ERC2: variants seen among roughly 807,000 people sequenced by gnomAD.
ERC2 encodes the protein ELKS/RAB6-interacting/CAST family member 2.
A neutral mutation model predicts 114.8 loss-of-function variants in ERC2; 42 were observed. The observed-to-expected ratio is 0.37, with a 90% CI of 0.29 to 0.47. The LOEUF is 0.47. Ranked by LOEUF, ERC2 falls within the 20% of genes least tolerant of loss-of-function variation. ERC2 has a pLI of 0.99. For missense variants in ERC2, 939 were observed against 1,150.7 expected (o/e 0.82, Z 2.66); for synonymous variants, 454 against 425.5 (o/e 1.07, Z -0.82).
intron 2 of ERC2, among the ~76,000 whole-genome samples, chr3:56,371,162 G>A (rs948446857): frequency 6.6e-6 from 1 of 152,162 alleles, no homozygotes; most frequent in Non-Finnish European, 1.5e-5. Context: ...AGGACTGAAA[G>A]ACCAAATAGG....
chr3:55,523,523 T>C (rs569069584), intron 17 of ERC2, among the ~76,000 whole-genome samples: 1 of 152,184 alleles, frequency 6.6e-6, no homozygotes, highest in Admixed American at 6.5e-5. Flanking sequence ...CTGACTTCCC[T>C]TCCTGGTCCA....
At chr3:55,865,811 G>C (rs1575921468) in intron 14 of ERC2, among the ~76,000 whole-genome samples, 1 of 152,188 alleles carries the variant, frequency 6.6e-6, no homozygotes, top group Admixed American at 6.5e-5. Context: ...TCAAGTAATA[G>C]TGCATTGTAT....
At position 56,007,219 on chromosome 3, in the gene ERC2, T is replaced by C; in HGVS notation, c.2023A>G (p.Lys675Glu). ...KSLEIAIEQK[K>E]EECSKLEAQL... ...GCTTCCAATTTGCTACATTCCTCTT[T>C]CTTTTGTTCAATGGCTATTTCTAGA... Residue 675 changes from lysine (K) to glutamate (E), a missense_variant, in exon 10 of 18, where the codon AAA becomes GAA. Around this residue, in one of 5 missense-constraint regions of ERC2, gnomAD observed 328 missense variants for 353.9 expected, o/e 0.93. Transcript: ENST00000288221. 6.3e-7 allele frequency: 1 copy of C among 1,578,460 alleles called. No homozygotes were observed. The highest frequency in any genetic ancestry group is 8.6e-7 in the Non-Finnish European group (1 of 1,160,470).
chr3:55,517,270 G>A (rs1282254692), intron 17 of ERC2, among the ~76,000 whole-genome samples: 4 of 151,642 alleles, frequency 2.6e-5, no homozygotes, highest in East Asian at 1.9e-4. Flanking sequence ...GTGAAACCCC[G>A]TCTCCACTAA....
In ERC2 at chr3:55,691,559, AAAAAAAAAAAAAAAAT is replaced by A. The variant is rs1332336204; in HGVS notation, c.2848-7716_2848-7701del. 7.8e-3 allele frequency among the ~76,000 whole-genome samples: 619 copies of A among 79,198 alleles called. 1 individual carries two copies. The highest frequency in any genetic ancestry group is 0.024 in the South Asian group (49 of 2,058). The allele number at this position is 79,198 out of a possible 152,430, so 52.0% of individuals were successfully genotyped here. On this transcript the variant is annotated intron_variant, in intron 16 of 17. Coordinates refer to ENST00000288221, the MANE Select transcript of ERC2 (RefSeq NM_015576.3). Reference sequence around the variant, plus strand: ...ATTTGCAATGCAAAAAAAAAAAAAAAAAAAAAAAAAAAAAATATATATATATATATATATATATATA... The same window carrying A: ...ATTTGCAATGCAAAAAAAAAAAAAAAATATATATATATATATATATATATA...
intron 2 of ERC2, among the ~76,000 whole-genome samples, chr3:56,346,166 G>A (rs1480485634): frequency 6.6e-6 from 1 of 152,060 alleles, no homozygotes; most frequent in African/African-American, 2.4e-5. Flanking sequence ...GTAACACTTT[G>A]AATAAAAAGG....
At chr3:56,460,259 G>C (rs569272075) in intron 1 of ERC2, among the ~76,000 whole-genome samples, 9 of 152,318 alleles carry the variant, frequency 5.9e-5, no homozygotes, top group African/African-American at 1.9e-4. Context: ...GGTTGTTTCT[G>C]TTGTAATTGT....
At chr3:55,733,531 T>TCTC (rs1559567330) in intron 15 of ERC2, among the ~76,000 whole-genome samples, 11 of 58,618 alleles carry the variant, frequency 1.9e-4, no homozygotes, top group African/African-American at 3.9e-4. Context: ...CTCTCATTCT[T>TCTC]TCTCTCTCTC....
intron 2 of ERC2, among the ~76,000 whole-genome samples, chr3:56,354,771 C>G (rs2316898): frequency 0.31 from 46,506 of 152,066 alleles, 7,259 homozygotes; most frequent in Admixed American, 0.33. Flanking sequence ...CAAAGAAATT[C>G]TAGGCTTTAC....
chr3:56,040,164 C>A (rs1219717472), intron 7 of ERC2, among the ~76,000 whole-genome samples: 1 of 152,016 alleles, frequency 6.6e-6, no homozygotes, highest in South Asian at 2.1e-4. Flanking sequence ...AACTAAAAAG[C>A]TTTTGCACAG....
At chr3:56,155,242 C>T (rs1208576595) in intron 4 of ERC2, among the ~76,000 whole-genome samples, 1 of 151,282 alleles carries the variant, frequency 6.6e-6, no homozygotes. Flanking sequence ...GTCTTCTGAA[C>T]ACAATGATTG....
chr3:56,093,800 G>C (rs867191838), intron 6 of ERC2, among the ~76,000 whole-genome samples: 10 of 152,016 alleles, frequency 6.6e-5, no homozygotes, highest in African/African-American at 2.4e-4. Context: ...GTGTCTACAA[G>C]GTTGTTTATT....
At chr3:55,818,248 G>C (rs1245833503) in intron 14 of ERC2, among the ~76,000 whole-genome samples, 2 of 152,148 alleles carry the variant, frequency 1.3e-5, no homozygotes, top group Non-Finnish European at 2.9e-5. Flanking sequence ...GGGCCTCACA[G>C]CCAAATCAGC....
chr3:56,415,583 A>T (rs2061118508), intron 2 of ERC2, among the ~76,000 whole-genome samples: 3 of 152,262 alleles, frequency 2.0e-5, no homozygotes, highest in African/African-American at 7.2e-5. Context: ...TTCTTGGATT[A>T]TTTAAGAACA....
intron 2 of ERC2, among the ~76,000 whole-genome samples, chr3:56,425,976 C>A (rs1186334941): frequency 6.6e-6 from 1 of 152,180 alleles, no homozygotes; most frequent in Non-Finnish European, 1.5e-5. Context: ...TTTGGCCTTT[C>A]TTTCATGGTT....
intron 14 of ERC2, among the ~76,000 whole-genome samples, chr3:55,749,819 G>A (rs2066560531): frequency 6.6e-6 from 1 of 152,122 alleles, no homozygotes; most frequent in Admixed American, 6.6e-5. Context: ...CCTTGCTACT[G>A]CCCACTCTTT....
chr3:55,880,493 T>G (rs1277771345), intron 14 of ERC2, among the ~76,000 whole-genome samples: 1 of 152,200 alleles, frequency 6.6e-6, no homozygotes, highest in Non-Finnish European at 1.5e-5. Flanking sequence ...TGCATTTATG[T>G]CACTGCCTGC....
intron 16 of ERC2, among the ~76,000 whole-genome samples, chr3:55,698,489 C>T (rs2063051859): frequency 6.6e-6 from 1 of 152,152 alleles, no homozygotes; most frequent in Non-Finnish European, 1.5e-5. Context: ...TAAACTGCCT[C>T]TTCACACAGG....
At chr3:55,741,282 C>T (rs1320138045) in intron 14 of ERC2, among the ~76,000 whole-genome samples, 1 of 151,976 alleles carries the variant, frequency 6.6e-6, no homozygotes, top group Non-Finnish European at 1.5e-5. Flanking sequence ...AGGAAGCTTA[C>T]ATTAAATATC....
Sources: allele counts gnomAD v4.1 joint callset (sites outside exome capture counted in the v4.1 genomes callset), GRCh38; gene constraint gnomAD v4.1.1; regional missense constraint gnomAD v4.1.1; transcripts MANE v1.5; gene names NCBI Gene and HGNC (gene_info 2026-07-23, HGNC 2026-07-21).